BRI3: variants seen among roughly 807,000 people sequenced by gnomAD.
BRI3 encodes membrane protein BRI3.
In BRI3, 6 loss-of-function variants were observed where a neutral mutation model predicts 12.8. That is an observed-to-expected ratio of 0.47 (90% CI 0.26 to 0.93). The LOEUF (loss-of-function observed/expected upper bound fraction) is 0.93, where lower values mean the gene tolerates loss of function less well. Among genes scored for constraint, BRI3 ranks in the 40% least tolerant of loss-of-function variants. The pLI, the probability that BRI3 is intolerant of heterozygous loss-of-function variation, is 0.15. For synonymous variants in BRI3, 91 were observed against 76.1 expected, an observed-to-expected ratio of 1.20 and a Z score of -1.02; for missense variants, 134 against 171.1, an observed-to-expected ratio of 0.78 and a Z score of 1.21.
chr7:98,284,623 TC>T (rs1799651397), intron 2 of BRI3, among the ~76,000 whole-genome samples: 1 of 152,152 alleles, frequency 6.6e-6, no homozygotes. Flanking sequence ...TCTGTCCCCC[TC>T]CCTGCCTGGT....
chr7:98,282,323 C>A, intron 1 of BRI3, 28 bp from the exon 2 acceptor site: 1 of 1,573,874 alleles, frequency 6.4e-7, no homozygotes, highest in South Asian at 1.1e-5. Context: ...CCTCCCTGCA[C>A]CCTAATGACC....
upstream of BRI3, among the ~76,000 whole-genome samples, chr7:98,302,923 TACA>T (rs1800487596): frequency 6.6e-6 from 1 of 152,164 alleles, no homozygotes; most frequent in Non-Finnish European, 1.5e-5. Flanking sequence ...CAGCTGGGAC[TACA>T]GACATGTGCC....
intron 1 of BRI3, among the ~76,000 whole-genome samples, chr7:98,300,321 A>G (rs115146741): frequency 6.6e-6 from 1 of 152,096 alleles, no homozygotes; most frequent in Non-Finnish European, 1.5e-5. Context: ...GCTGTTTCCC[A>G]CAGCTGCGCT....
the BRI3 span, chr7:98,320,100 A>C: frequency 6.2e-7 from 1 of 1,613,428 alleles, no homozygotes; most frequent in East Asian, 2.2e-5. Flanking sequence ...TCTCCAGCTC[A>C]TGGATAATCT....
At chr7:98,293,742 G>A (rs1255266425), downstream of BRI3, 2 of 767,200 alleles carry the variant, frequency 2.6e-6, no homozygotes, top group African/African-American at 1.7e-5. Context: ...CGTTTTCTGA[G>A]TGTGAAAGTT....
downstream of BRI3, chr7:98,291,593 T>TC (rs764990846): frequency 3.4e-5 from 35 of 1,017,754 alleles, no homozygotes; most frequent in Admixed American, 2.9e-4. Context: ...CCCCCATCGC[T>TC]CCCCCGGCCA....
chr7:98,303,733 A>C (rs1181673052), upstream of BRI3, among the ~76,000 whole-genome samples: 1 of 152,188 alleles, frequency 6.6e-6, no homozygotes, highest in Non-Finnish European at 1.5e-5. Flanking sequence ...CGTTAACCCT[A>C]AACGCCGTGC....
chr7:98,293,995 G>A, downstream of BRI3: 3 of 1,491,362 alleles, frequency 2.0e-6, no homozygotes, highest in Non-Finnish European at 2.8e-6. Context: ...CCTGGGCTGG[G>A]CACCGAAGGC....
At chr7:98,319,104 C>T in the BRI3 span, among the ~76,000 whole-genome samples, 5 of 152,122 alleles carry the variant, frequency 3.3e-5, no homozygotes, top group African/African-American at 7.2e-5. Flanking sequence ...GCAGTCCTCA[C>T]GAGGACGACA....
At chr7:98,282,028 C>CG (rs1562955328) in intron 1 of BRI3, 91 bp downstream of exon 1, 3 of 1,305,386 alleles carry the variant, frequency 2.3e-6, no homozygotes, top group Non-Finnish European at 2.9e-6. Context: ...GGGGCCCGCC[C>CG]GGGGGTCCTT....
intron 1 of BRI3, chr7:98,307,293 A>G: frequency 1.7e-6 from 1 of 597,282 alleles, no homozygotes; most frequent in Non-Finnish European, 2.2e-6. Flanking sequence ...TTTCGTAGAG[A>G]TGGGGTTTCA....
chr7:98,293,682 T>A, downstream of BRI3: 1 of 1,337,212 alleles, frequency 7.5e-7, no homozygotes. Context: ...GTTCTTGCCC[T>A]GTGAGACTGG....
At chr7:98,282,713 A>C (rs932781929) in intron 2 of BRI3, 3 of 454,022 alleles carry the variant, frequency 6.6e-6, no homozygotes, top group African/African-American at 6.0e-5. Flanking sequence ...TTGCACCCCA[A>C]GTGATTGGGA....
chr7:98,281,957 T>TC lies in BRI3; in HGVS notation c.142+24dup. On this transcript the variant is annotated intron_variant, in intron 1 of 2. Coordinates refer to ENST00000297290, the MANE Select transcript of BRI3 (RefSeq NM_015379.5). ...TCACAGGTGGGCCCGTAACCAACTT[T>TC]CCCCGCCGGCGGCTTCCGAGGTGGC... 1 of 1,289,462 alleles carries TC rather than the reference T, an allele frequency of 7.8e-7. No individual in the cohort carries two copies. Among genetic ancestry groups the TC allele is most frequent in the South Asian group, 2.4e-5 (1 of 41,076 alleles). 79.9% of individuals were successfully genotyped at this position (1,289,462 alleles called of 1,614,324 possible).
the BRI3 span, among the ~76,000 whole-genome samples, chr7:98,315,782 C>T: frequency 9.1e-4 from 139 of 152,304 alleles, 2 homozygotes; most frequent in East Asian, 0.024. Context: ...TAGATACCAT[C>T]GTTCTCCTTG....
intron 2 of BRI3, among the ~76,000 whole-genome samples, chr7:98,288,960 T>G (rs1385852240): frequency 1.3e-5 from 2 of 151,988 alleles, no homozygotes; most frequent in African/African-American, 4.8e-5. Flanking sequence ...GAAGTTTTTT[T>G]CTTTTTTCTT....
chr7:98,315,138 T>C (rs1234428368), downstream of BRI3, among the ~76,000 whole-genome samples: 1 of 152,126 alleles, frequency 6.6e-6, no homozygotes, highest in Admixed American at 6.5e-5. Flanking sequence ...TATGGACTGA[T>C]TGAGACAGGG....
At chr7:98,301,682 C>T (rs770630444), upstream of BRI3, among the ~76,000 whole-genome samples, 17 of 151,968 alleles carry the variant, frequency 1.1e-4, no homozygotes, top group East Asian at 3.9e-4. Context: ...TGTGTGCACA[C>T]GCGCGTCTGT....
chr7:98,312,527 T>C (rs553911875), downstream of BRI3, among the ~76,000 whole-genome samples: 1 of 152,182 alleles, frequency 6.6e-6, no homozygotes, highest in East Asian at 1.9e-4. Flanking sequence ...ACGGGGATGG[T>C]AAATGGTTAA....
Sources: gnomAD v4.1 joint callset for allele counts (sites outside exome capture counted in the v4.1 genomes callset) on GRCh38, gnomAD v4.1.1 for gene constraint, MANE v1.5 for transcripts, NCBI Gene and HGNC (gene_info 2026-07-23, HGNC 2026-07-21) for gene names.